Variants in SEMA3C observed in about 807,000 individuals in gnomAD.
SEMA3C encodes the protein semaphorin-3C.
SEMA3C carries 47 observed loss-of-function variants against 89.4 expected under a neutral mutation model. The observed-to-expected ratio is 0.53, with a 90% confidence interval of 0.42 to 0.67. SEMA3C has a LOEUF of 0.67. Ranked by LOEUF, SEMA3C falls within the 30% of genes least tolerant of loss-of-function variation. The pLI is 0.00. For missense variants in SEMA3C, 839 were observed against 929.1 expected, an observed-to-expected ratio of 0.90 and a Z score of 1.26; for synonymous variants, 310 against 320.2, an observed-to-expected ratio of 0.97 and a Z score of 0.34.
intron 16 of SEMA3C, among the ~76,000 whole-genome samples, chr7:80,750,473 T>TATACATACACAC (rs869227686): frequency 3.6e-5 from 2 of 55,436 alleles, no homozygotes; most frequent in African/African-American, 1.5e-4. Flanking sequence ...TATATATATA[T>TATACATACACAC]ACACACACAC....
chr7:80,904,863 C>T (rs1215982662), intron 2 of SEMA3C, among the ~76,000 whole-genome samples: 1 of 152,088 alleles, frequency 6.6e-6, no homozygotes, highest in Non-Finnish European at 1.5e-5. Context: ...AGGTAACGTA[C>T]AGCCAAGGTT....
At chr7:80,754,808 C>T (rs1229488031) in intron 15 of SEMA3C, among the ~76,000 whole-genome samples, 1 of 151,872 alleles carries the variant, frequency 6.6e-6, no homozygotes, top group Non-Finnish European at 1.5e-5. Flanking sequence ...GACAGAGTCT[C>T]ACTCTGTCTC....
chr7:80,872,534 T>C (rs1791086819), intron 2 of SEMA3C, among the ~76,000 whole-genome samples: 1 of 151,960 alleles, frequency 6.6e-6, no homozygotes, highest in African/African-American at 2.4e-5. Flanking sequence ...CCGGGCGTGG[T>C]GGCTTACGCC....
chr7:80,774,140 TA>T (rs1255151590), intron 12 of SEMA3C, among the ~76,000 whole-genome samples: 3 of 152,176 alleles, frequency 2.0e-5, no homozygotes, highest in Non-Finnish European at 4.4e-5. Flanking sequence ...TGACATGCTT[TA>T]AGCATATGCA....
At chr7:80,860,187 T>A (rs115674981) in intron 2 of SEMA3C, among the ~76,000 whole-genome samples, 4,836 of 152,164 alleles carry the variant, frequency 0.032, 171 homozygotes, top group Middle Eastern at 0.095. Flanking sequence ...TATTGGTTAG[T>A]TTTTATGATT....
At chr7:80,895,118 A>C (rs1217173295) in intron 2 of SEMA3C, among the ~76,000 whole-genome samples, 1 of 152,204 alleles carries the variant, frequency 6.6e-6, no homozygotes, top group Non-Finnish European at 1.5e-5. Flanking sequence ...GCATGTACAC[A>C]CAAACTCCAT....
At chr7:80,870,880 C>T (rs1310805512) in intron 2 of SEMA3C, among the ~76,000 whole-genome samples, 1 of 152,146 alleles carries the variant, frequency 6.6e-6, no homozygotes, top group East Asian at 1.9e-4. Flanking sequence ...CCCCTGAGCC[C>T]TTCAAATCGC....
chr7:80,855,634 A>G (rs1178420965), intron 2 of SEMA3C, among the ~76,000 whole-genome samples: 1 of 152,150 alleles, frequency 6.6e-6, no homozygotes, highest in Non-Finnish European at 1.5e-5. Flanking sequence ...ATGTGCCCAC[A>G]TTCACGGCAG....
chr7:80,919,133 G>A (rs1792351260), upstream of SEMA3C: 32 of 984,560 alleles, frequency 3.3e-5, no homozygotes, highest in Non-Finnish European at 3.7e-5. Context: ...CGGCTGCCCC[G>A]GCGCGCCGCC....
At chr7:80,846,287 T>C (rs926884386) in intron 2 of SEMA3C, among the ~76,000 whole-genome samples, 2 of 152,204 alleles carry the variant, frequency 1.3e-5, no homozygotes, top group Non-Finnish European at 2.9e-5. Flanking sequence ...CATCATGCTA[T>C]GTCATGCTTC....
At chr7:80,889,573 A>G (rs1791564618) in intron 2 of SEMA3C, among the ~76,000 whole-genome samples, 1 of 152,126 alleles carries the variant, frequency 6.6e-6, no homozygotes, top group Non-Finnish European at 1.5e-5. Flanking sequence ...ATGGTTACAG[A>G]TGTATTATGC....
intron 2 of SEMA3C, among the ~76,000 whole-genome samples, chr7:80,841,048 GT>G (rs1284786266): frequency 6.6e-6 from 1 of 152,080 alleles, no homozygotes; most frequent in East Asian, 1.9e-4. Flanking sequence ...ATGGAGTGGG[GT>G]TTTCTCAGCA....
At chr7:80,906,590 T>C (rs1792020707) in intron 2 of SEMA3C, among the ~76,000 whole-genome samples, 1 of 152,160 alleles carries the variant, frequency 6.6e-6, no homozygotes, top group Non-Finnish European at 1.5e-5. Flanking sequence ...AGAGATCAAT[T>C]GCTAGATAGT....
intron 2 of SEMA3C, among the ~76,000 whole-genome samples, chr7:80,904,798 A>G (rs2116212941): frequency 6.6e-6 from 1 of 152,284 alleles, no homozygotes; most frequent in Non-Finnish European, 1.5e-5. Context: ...CCCTAGAGAT[A>G]GTGACTGAAT....
intron 6 of SEMA3C, among the ~76,000 whole-genome samples, chr7:80,806,112 A>C (rs183261460): frequency 2.0e-4 from 31 of 152,180 alleles, no homozygotes; most frequent in African/African-American, 6.5e-4. Context: ...AAATAGCTTA[A>C]CTGTTTACCT....
chr7:80,765,322 G>A (rs893162230), intron 12 of SEMA3C, 79 bp from the exon 13 acceptor site: 4 of 1,012,256 alleles, frequency 4.0e-6, no homozygotes, highest in Non-Finnish European at 6.1e-6. Context: ...TACTGACTTG[G>A]ACCATTATTT....
At chr7:80,893,482 C>A (rs1437118719) in intron 2 of SEMA3C, among the ~76,000 whole-genome samples, 1 of 152,162 alleles carries the variant, frequency 6.6e-6, no homozygotes, top group Non-Finnish European at 1.5e-5. Context: ...GCCTTCAACA[C>A]TGATTGCTAA....
Position 80,800,821 on chromosome 7 carries a change from C to T in SEMA3C, c.922G>A (p.Val308Met). 2 of 1,509,510 alleles carry T rather than the reference C, an allele frequency of 1.3e-6. No individual in the cohort carries two copies. Among genetic ancestry groups the T allele is most frequent in the Non-Finnish European group, 1.8e-6 (2 of 1,134,988 alleles). The allele number at this position is 1,509,510 out of a possible 1,614,324, so 93.5% of individuals were successfully genotyped here. The change falls in exon 10 of 18, where the codon GTG (valine) becomes ATG (methionine). Residue 308 changes from valine (V) to methionine (M), a missense_variant. Val to Met is a conservative substitution (Grantham distance 21). Coordinates refer to ENST00000265361, the MANE Select transcript of SEMA3C (RefSeq NM_006379.5). Reference protein sequence around the residue: ...PETHFDELEDVFLLETDNPRT... With the variant: ...PETHFDELEDMFLLETDNPRT... Reference sequence around the variant, plus strand: ...GGGTTATCAGTTTCCAGCAGAAACACATCCTCTATAAAAAGGAAAATATTC... The same window carrying T: ...GGGTTATCAGTTTCCAGCAGAAACATATCCTCTATAAAAAGGAAAATATTC...
chr7:80,766,152 T>C (rs1788297599), intron 12 of SEMA3C, among the ~76,000 whole-genome samples: 1 of 152,176 alleles, frequency 6.6e-6, no homozygotes. Flanking sequence ...TTATTTCAGG[T>C]GTGGACACCT....
Sources: allele counts gnomAD v4.1 joint callset (sites outside exome capture counted in the v4.1 genomes callset), GRCh38; gene constraint gnomAD v4.1.1; transcripts MANE v1.5; gene names NCBI Gene and HGNC (gene_info 2026-07-23, HGNC 2026-07-21).